Variants in U2SURP observed in about 807,000 individuals in gnomAD.
U2SURP encodes U2 snRNP-associated SURP motif-containing protein.
A neutral mutation model predicts 144.9 loss-of-function variants in U2SURP; 9 were observed. The ratio of observed to expected loss-of-function variants is 0.06; its 90% CI spans 0.04 to 0.11. U2SURP has a LOEUF of 0.11. Ranked by LOEUF, U2SURP falls within the 10% of genes least tolerant of loss-of-function variation. U2SURP has a pLI of 1.00. For synonymous variants in U2SURP, 408 were observed against 396.8 expected, an observed-to-expected ratio of 1.03 and a Z score of -0.33; for missense variants, 724 against 1,226.7, an observed-to-expected ratio of 0.59 and a Z score of 6.12.
intron 16 of U2SURP, among the ~76,000 whole-genome samples, chr3:143,032,138 T>C (rs1010277229): frequency 6.6e-6 from 1 of 151,962 alleles, no homozygotes; most frequent in African/African-American, 2.4e-5. Context: ...AGTGGCACGA[T>C]CTTGGCTCAC....
chr3:143,003,103 A>G (rs1935623276), intron 1 of U2SURP, among the ~76,000 whole-genome samples: 1 of 152,260 alleles, frequency 6.6e-6, no homozygotes, highest in African/African-American at 2.4e-5. Flanking sequence ...TCTTGGATAC[A>G]TTGAAAACAT....
intron 1 of U2SURP, among the ~76,000 whole-genome samples, chr3:143,006,491 C>T (rs770270492): frequency 6.6e-6 from 1 of 152,146 alleles, no homozygotes; most frequent in Non-Finnish European, 1.5e-5. Flanking sequence ...CACAGTGCCT[C>T]CCGCCTGTAA....
chr3:143,039,023 G>C (rs1248988792), intron 23 of U2SURP, 63 bp downstream of exon 23: 1 of 1,159,970 alleles, frequency 8.6e-7, no homozygotes, highest in East Asian at 3.1e-5. Context: ...TTCATTAAGA[G>C]ATATAGTTGA....
chr3:143,025,684 TGTTTTTA>T (rs1047826264), intron 13 of U2SURP: 1 of 152,132 alleles, frequency 6.6e-6, no homozygotes, highest in African/African-American at 2.4e-5. Flanking sequence ...AATTAAGCAA[TGTTTTTA>T]GTTTTTTGTT....
chr3:143,005,743 G>A lies in U2SURP; in HGVS notation c.45+4070G>A, dbSNP rs552699923. On this transcript the variant is annotated intron_variant, in intron 1 of 27. Transcript: ENST00000473835. Reference sequence around the variant, plus strand: ...TCTGAAGCTTTGTTTTCCTTGGAAAGTAAACCTAAGAAAGATACCCATTTG... The same window carrying A: ...TCTGAAGCTTTGTTTTCCTTGGAAAATAAACCTAAGAAAGATACCCATTTG... Among the ~76,000 whole-genome samples, 9 of 151,890 alleles carry A rather than the reference G, an allele frequency of 5.9e-5. No individual in the cohort carries two copies. The South Asian group carries it at 1.0e-3, about 18-fold the overall frequency.
rs1182497780 is a variant in U2SURP, at chr3:143,010,865, T to G, written c.90+6T>G. 6.2e-7 allele frequency: 1 copy of G among 1,601,292 alleles called. No individual in the cohort carries two copies. The highest frequency in any genetic ancestry group is 8.5e-7 in the Non-Finnish European group (1 of 1,173,354). ...CTGGATCTTCAGATGCACATGTGAG[T>G]ATAGAAGGCAATCTTTGTCTTTTTT... is the stretch of plus-strand genomic sequence containing the variant. On this transcript the variant is annotated splice_donor_region_variant and intron_variant, in intron 2 of 27. Transcript: ENST00000473835.
intron 24 of U2SURP, among the ~76,000 whole-genome samples, chr3:143,044,589 G>A (rs1435138184): frequency 6.6e-6 from 1 of 152,098 alleles, no homozygotes. Context: ...CCCTCAAGGG[G>A]ATGAAATATT....
In U2SURP at chr3:143,037,167, A is replaced by T; in HGVS notation, c.2065-12A>T. 1 of 1,607,860 alleles carries T rather than the reference A, an allele frequency of 6.2e-7. No homozygotes were observed. The highest frequency in any genetic ancestry group is 8.5e-7 in the Non-Finnish European group (1 of 1,176,996). On this transcript the variant is annotated splice_polypyrimidine_tract_variant and intron_variant, in intron 20 of 27. Transcript: ENST00000473835. ...GCAAAGGAAAATGTTATAATAGTAC[A>T]CATTTCCATAGGATGTTCCAGATGA...
Position 143,033,670 on chromosome 3 carries a change from G to A in U2SURP, c.1853+320G>A, listed in dbSNP as rs1933638666. Reference sequence around the variant, plus strand: ...ATGATTTAACAGATGGGAGGATGAGGATAGGTTACAGGTGAATATTATGCC... The same window carrying A: ...ATGATTTAACAGATGGGAGGATGAGAATAGGTTACAGGTGAATATTATGCC... On this transcript the variant is annotated intron_variant, in intron 18 of 27. Transcript: ENST00000473835. 2.0e-5 allele frequency among the ~76,000 whole-genome samples: 3 copies of A among 152,302 alleles called. No individual in the cohort carries two copies. The South Asian group carries it at 6.2e-4, about 32-fold the overall frequency.
chr3:143,027,908 A>G (rs1933248485), intron 14 of U2SURP, among the ~76,000 whole-genome samples: 1 of 152,214 alleles, frequency 6.6e-6, no homozygotes. Context: ...TCAATGAAGG[A>G]ATCATAAGTG....
At chr3:143,045,255 G>A (rs1002213748) in intron 24 of U2SURP, among the ~76,000 whole-genome samples, 6 of 151,796 alleles carry the variant, frequency 4.0e-5, no homozygotes, top group Non-Finnish European at 7.4e-5. Flanking sequence ...TGTAGTCCCC[G>A]CTACTCAGGA....
chr3:143,023,917 A>G, intron 12 of U2SURP, 58 bp from the exon 13 acceptor site: 1 of 1,537,798 alleles, frequency 6.5e-7, no homozygotes, highest in Non-Finnish European at 9.0e-7. Flanking sequence ...TTTGCTTGTT[A>G]CTTGTTAACA....
intron 27 of U2SURP, among the ~76,000 whole-genome samples, chr3:143,055,979 T>C (rs901023124): frequency 2.0e-5 from 3 of 152,122 alleles, no homozygotes; most frequent in Non-Finnish European, 2.9e-5. Context: ...AGGTTCAAAT[T>C]TGGGGGTTAT....
intron 3 of U2SURP, among the ~76,000 whole-genome samples, chr3:143,013,073 A>G (rs779533623): frequency 1.3e-5 from 2 of 152,118 alleles, no homozygotes; most frequent in Non-Finnish European, 2.9e-5. Context: ...TTCTGCAAGA[A>G]TTCTGTAAAC....
intron 14 of U2SURP, 121 bp downstream of exon 14, chr3:143,027,374 A>G (rs1453483565): frequency 1.5e-6 from 1 of 683,964 alleles, no homozygotes; most frequent in South Asian, 2.3e-5. Context: ...CATCACCACC[A>G]TCCATCTCCA....
At chr3:143,053,380 G>A (rs1934986265) in intron 25 of U2SURP, among the ~76,000 whole-genome samples, 1 of 152,078 alleles carries the variant, frequency 6.6e-6, no homozygotes, top group African/African-American at 2.4e-5. Context: ...TTTTCTTAGG[G>A]ATGCTTTAAA....
chr3:143,037,135 TCAG>T (rs1478292162), intron 20 of U2SURP, 41 bp from the exon 21 acceptor site: 2 of 1,577,116 alleles, frequency 1.3e-6, no homozygotes, highest in South Asian at 2.3e-5. Flanking sequence ...CAATGTGACT[TCAG>T]CAAGCAAAGG....
At chr3:143,037,693 GT>G (rs1328988734) in intron 21 of U2SURP, among the ~76,000 whole-genome samples, 1 of 151,940 alleles carries the variant, frequency 6.6e-6, no homozygotes, top group African/African-American at 2.4e-5. Context: ...GTTTTTATTA[GT>G]TTTTCTAACT....
intron 23 of U2SURP, among the ~76,000 whole-genome samples, chr3:143,042,491 T>G (rs773105971): frequency 1.3e-5 from 2 of 152,102 alleles, no homozygotes; most frequent in Non-Finnish European, 2.9e-5. Flanking sequence ...TACAAGTGGT[T>G]TTGGGTTACA....
Sources: allele counts gnomAD v4.1 joint callset (sites outside exome capture counted in the v4.1 genomes callset), GRCh38; gene constraint gnomAD v4.1.1; transcripts MANE v1.5; gene names NCBI Gene and HGNC (gene_info 2026-07-23, HGNC 2026-07-21).